The following PHF20 variants were observed in gnomAD, a reference collection of about 807,000 sequenced individuals.
The protein encoded by PHF20 is glioma-expressed antigen 2.
PHF20 carries 23 observed loss-of-function variants against 113.5 expected under a neutral mutation model. That is an observed-to-expected ratio of 0.20 (90% CI 0.15 to 0.29). The LOEUF (loss-of-function observed/expected upper bound fraction) is 0.29. PHF20 is among the 10% of genes least tolerant of loss of function. PHF20 has a pLI of 1.00. For synonymous variants in PHF20, 434 were observed against 457.3 expected, an observed-to-expected ratio of 0.95 and a Z score of 0.65; for missense variants, 943 against 1,219.6, an observed-to-expected ratio of 0.77 and a Z score of 3.38.
chr20:35,846,781 C>G (rs1490680858), intron 3 of PHF20, among the ~76,000 whole-genome samples: 1 of 152,114 alleles, frequency 6.6e-6, no homozygotes, highest in African/African-American at 2.4e-5. Flanking sequence ...TGACTCCTGT[C>G]TTAGTCTTTT....
intron 1 of PHF20, among the ~76,000 whole-genome samples, chr20:35,786,803 C>A (rs185947057): frequency 3.9e-5 from 6 of 152,218 alleles, no homozygotes; most frequent in Non-Finnish European, 7.4e-5. Flanking sequence ...TTTTCTTAAG[C>A]CCCAGGGATA....
rs563791674 is a variant in PHF20 at position 35,879,763 on chromosome 20, A to G, written c.1282+7934A>G. On this transcript the variant is annotated intron_variant, in intron 9 of 17. Coordinates refer to ENST00000374012, the MANE Select transcript of PHF20 (RefSeq NM_016436.5). The stretch of plus-strand genomic sequence containing the variant: ...CCTCTTCAAGACCAGCCTGGGCAAC[A>G]TGGTGAAACCCCATCTCTCCAAAAA... Among the ~76,000 whole-genome samples the G allele has an allele frequency of 4.7e-5, 7 of 148,782 alleles. No individual in the cohort carries two copies. The East Asian group carries it at 1.2e-3, about 25-fold the overall frequency.
chr20:35,806,627 C>T (rs2041886001), intron 2 of PHF20, among the ~76,000 whole-genome samples: 1 of 152,078 alleles, frequency 6.6e-6, no homozygotes, highest in Non-Finnish European at 1.5e-5. Context: ...TACTAAGCCT[C>T]ATATTTACAT....
In PHF20 at chr20:35,939,081, C is replaced by T; in HGVS notation, c.2685C>T (p.Asp895=). The part of the protein sequence containing the change: ...WPLDQDRSKG[D]SDPKPGSPKV... Reference sequence around the variant, plus strand: ...TAGACCAAGACAGGAGCAAGGGGGACAGTGACCCCAAACCCGGCTCCCCAA... The same window carrying T: ...TAGACCAAGACAGGAGCAAGGGGGATAGTGACCCCAAACCCGGCTCCCCAA... Residue 895 remains aspartate (D), a synonymous_variant, in exon 16 of 18, where the codon GAC becomes GAT. Coordinates refer to ENST00000374012, the MANE Select transcript of PHF20 (RefSeq NM_016436.5). The T allele has an allele frequency of 6.2e-7, 1 of 1,610,860 alleles. No individual in the cohort carries two copies. The highest frequency in any genetic ancestry group is 1.1e-5 in the South Asian group (1 of 90,890).
chr20:35,947,354 CAT>C, intron 17 of PHF20, 129 bp from the exon 18 acceptor site: 1 of 823,392 alleles, frequency 1.2e-6, no homozygotes, highest in South Asian at 2.2e-5. Flanking sequence ...TCCCTTGCCC[CAT>C]GGAGGCTGAA....
chr20:35,796,356 C>T (rs2041667151), intron 1 of PHF20, among the ~76,000 whole-genome samples: 1 of 152,120 alleles, frequency 6.6e-6, no homozygotes, highest in East Asian at 1.9e-4. Flanking sequence ...GGATGAACTA[C>T]ATCCAGTTTG....
chr20:35,873,804 G>A (rs2054470181), intron 9 of PHF20, among the ~76,000 whole-genome samples: 1 of 152,040 alleles, frequency 6.6e-6, no homozygotes. Context: ...CTAGCATTTT[G>A]AAAGAGGTTA....
At chr20:35,788,735 G>A (rs1303807740) in intron 1 of PHF20, among the ~76,000 whole-genome samples, 2 of 152,212 alleles carry the variant, frequency 1.3e-5, no homozygotes, top group East Asian at 1.9e-4. Context: ...ACACCACCAC[G>A]CCTGGCTAAT....
intron 1 of PHF20, among the ~76,000 whole-genome samples, chr20:35,789,621 A>G (rs1000555876): frequency 4.6e-5 from 7 of 151,550 alleles, no homozygotes; most frequent in Non-Finnish European, 8.8e-5. Context: ...ATCTCGGCTC[A>G]CTGTAACCTC....
intron 5 of PHF20, among the ~76,000 whole-genome samples, chr20:35,862,230 C>T (rs1755343183): frequency 6.6e-6 from 1 of 152,064 alleles, no homozygotes; most frequent in Admixed American, 6.6e-5. Flanking sequence ...AAGCAGAGAC[C>T]CTGGTTCTGG....
chr20:35,793,995 CA>C (rs56189104), intron 1 of PHF20, among the ~76,000 whole-genome samples: 1,142 of 33,840 alleles, frequency 0.034, 35 homozygotes, highest in East Asian at 0.21. Flanking sequence ...GACTCTGTCT[CA>C]AAAAAAAAAA....
At chr20:35,879,294 G>A (rs979933788) in intron 9 of PHF20, among the ~76,000 whole-genome samples, 3 of 152,220 alleles carry the variant, frequency 2.0e-5, no homozygotes, top group Non-Finnish European at 2.9e-5. Context: ...GCTGCATAAT[G>A]GTAGTATTTA....
At chr20:35,858,274 A>G (rs753319650) in intron 4 of PHF20, 28 bp from the exon 5 acceptor site, 1 of 1,216,226 alleles carries the variant, frequency 8.2e-7, no homozygotes, top group Non-Finnish European at 1.2e-6. Flanking sequence ...ATTGTGAGTT[A>G]AAATCATGAT....
intron 2 of PHF20, among the ~76,000 whole-genome samples, chr20:35,830,316 A>C (rs1334289939): frequency 6.6e-6 from 1 of 152,092 alleles, no homozygotes; most frequent in Non-Finnish European, 1.5e-5. Context: ...TGCTTTCATT[A>C]ATCTGGCTAC....
chr20:35,856,246 T>A (rs1261551900), intron 4 of PHF20: 2 of 152,206 alleles, frequency 1.3e-5, no homozygotes, highest in Non-Finnish European at 1.5e-5. Context: ...CGTCATGTAT[T>A]GGTGACACCT....
intron 17 of PHF20, among the ~76,000 whole-genome samples, chr20:35,945,499 A>G (rs2056069062): frequency 6.6e-6 from 1 of 152,168 alleles, no homozygotes; most frequent in Non-Finnish European, 1.5e-5. Flanking sequence ...AGAAAGGTGG[A>G]GAGGAAGGTA....
At chr20:35,788,796 T>C (rs1257051476) in intron 1 of PHF20, among the ~76,000 whole-genome samples, 2 of 151,444 alleles carry the variant, frequency 1.3e-5, no homozygotes. Flanking sequence ...CAGGGTGTTC[T>C]TGAACTGACG....
At chr20:35,798,859 T>C (rs2041721640) in intron 1 of PHF20, among the ~76,000 whole-genome samples, 1 of 151,986 alleles carries the variant, frequency 6.6e-6, no homozygotes, top group Non-Finnish European at 1.5e-5. Flanking sequence ...CCTCCTGGGC[T>C]CAAGCGATCC....
chr20:35,831,745 A>T (rs558005641), intron 2 of PHF20, among the ~76,000 whole-genome samples: 57 of 152,258 alleles, frequency 3.7e-4, no homozygotes, highest in Admixed American at 1.8e-3. Flanking sequence ...CCAGCCTTAC[A>T]CACTAAAATT....
Sources: allele counts gnomAD v4.1 joint callset (sites outside exome capture counted in the v4.1 genomes callset), GRCh38; gene constraint gnomAD v4.1.1; transcripts MANE v1.5; gene names NCBI Gene and HGNC (gene_info 2026-07-23, HGNC 2026-07-21).